KCNG2: variants seen among roughly 807,000 people sequenced by gnomAD.
KCNG2 encodes voltage-gated potassium channel regulatory subunit KCNG2.
Under a neutral mutation model 12.3 loss-of-function variants are expected in KCNG2, and 7 were observed. That is an observed-to-expected ratio of 0.57 (90% CI 0.32 to 1.07). The LOEUF is 1.07. KCNG2 is among the 50% of genes least tolerant of loss of function. The probability of loss-of-function intolerance (pLI) is 0.04; values close to 1 mark genes in which losing one functional copy is unlikely to be tolerated. For missense variants in KCNG2, 703 were observed against 726.0 expected, an observed-to-expected ratio of 0.97 and a Z score of 0.36; for synonymous variants, 414 against 351.4, an observed-to-expected ratio of 1.18 and a Z score of -1.99.
intron 1 of KCNG2, among the ~76,000 whole-genome samples, chr18:79,811,052 A>G (rs1272790279): frequency 6.6e-6 from 1 of 152,248 alleles, no homozygotes; most frequent in East Asian, 1.9e-4. Flanking sequence ...GTATGCTGAG[A>G]ACTACAGAAC....
intron 3 of KCNG2, among the ~76,000 whole-genome samples, chr18:79,868,129 G>A (rs1399043867): frequency 6.6e-6 from 1 of 152,194 alleles, no homozygotes; most frequent in Non-Finnish European, 1.5e-5. Flanking sequence ...TGTCACGTTA[G>A]AGAATAGGAG....
chr18:79,811,105 C>T (rs2087491100), intron 1 of KCNG2, among the ~76,000 whole-genome samples: 1 of 152,156 alleles, frequency 6.6e-6, no homozygotes, highest in Non-Finnish European at 1.5e-5. Context: ...GGAAAGACAT[C>T]CCATGTTCAC....
chr18:79,824,029 A>G (rs967551561), intron 1 of KCNG2, among the ~76,000 whole-genome samples: 1 of 152,172 alleles, frequency 6.6e-6, no homozygotes, highest in African/African-American at 2.4e-5. Flanking sequence ...TTGAGACAAG[A>G]TCTCACTCTG....
At chr18:79,841,602 G>C (rs1776080285) in intron 1 of KCNG2, among the ~76,000 whole-genome samples, 1 of 152,146 alleles carries the variant, frequency 6.6e-6, no homozygotes, top group Non-Finnish European at 1.5e-5. Context: ...CACATGAAAA[G>C]ATATTTCACC....
intron 3 of KCNG2, among the ~76,000 whole-genome samples, chr18:79,873,434 C>CCCCCCCCCCCCCCCG (rs1979938952): frequency 6.9e-6 from 1 of 145,082 alleles, no homozygotes; most frequent in African/African-American, 2.5e-5. Flanking sequence ...CCTCCCCCCC[C>CCCCCCCCCCCCCCCG]CCCAGCCACC....
In KCNG2 at chr18:79,880,274, G is replaced by A. The variant is rs192487866; in HGVS notation, c.624+15983G>A. Among the ~76,000 whole-genome samples, 19 of 137,620 alleles carry A rather than the reference G, an allele frequency of 1.4e-4. No individual in the cohort carries two copies. In the East Asian group the frequency reaches 3.1e-3, roughly 23 times the overall value. 90.3% of individuals were successfully genotyped at this position (137,620 alleles called of 152,430 possible). Reference sequence around the variant, plus strand: ...TGAATATCACATGAGCCAAGATCGCGCCACTGCCCTCCAGCCTGGGTGACA... The same window carrying A: ...TGAATATCACATGAGCCAAGATCGCACCACTGCCCTCCAGCCTGGGTGACA... On this transcript the variant is annotated intron_variant, in intron 3 of 3. Coordinates refer to ENST00000316249, the MANE Select transcript of KCNG2 (RefSeq NM_012283.2).
At chr18:79,859,568 A>G (rs62096747) in intron 2 of KCNG2, among the ~76,000 whole-genome samples, 16,145 of 152,330 alleles carry the variant, frequency 0.11, 995 homozygotes, top group Middle Eastern at 0.17. Flanking sequence ...CCAGCCATGC[A>G]TGAGGGATCA....
intron 3 of KCNG2, among the ~76,000 whole-genome samples, chr18:79,877,525 T>C (rs1200530920): frequency 6.6e-6 from 1 of 152,124 alleles, no homozygotes; most frequent in Non-Finnish European, 1.5e-5. Flanking sequence ...TCCCTCGCCG[T>C]TGGGGACAAG....
intron 1 of KCNG2, among the ~76,000 whole-genome samples, 28 bp downstream of exon 1, chr18:79,798,042 G>C (rs2087375876): frequency 6.6e-6 from 1 of 150,588 alleles, no homozygotes; most frequent in Admixed American, 6.6e-5. Flanking sequence ...GTGGGGCCGG[G>C]GGTGGGGGGT....
In KCNG2 at chr18:79,842,194, C is replaced by T. The variant is rs146406915; in HGVS notation, c.-114-14185C>T. On this transcript the variant is annotated intron_variant, in intron 1 of 3. Transcript: ENST00000316249. ...GGTTGGCCCTTGCAGACCCAGATAC[C>T]GCCTACTCATGCAGACCCAAACTCC... Among the ~76,000 whole-genome samples the T allele has an allele frequency of 1.7e-3, 253 of 152,272 alleles. 1 individual carries two copies. The highest frequency in any genetic ancestry group is 5.3e-3 in the African/African-American group (220 of 41,566).
chr18:79,865,523 AGGTCTGT>A (rs1979461075), intron 3 of KCNG2, among the ~76,000 whole-genome samples: 1 of 72,246 alleles, frequency 1.4e-5, no homozygotes, highest in Admixed American at 1.7e-4. Flanking sequence ...CTGGGTGCTG[AGGTCTGT>A]GTGCTGAGAG....
rs780504494 is a variant in KCNG2, at chr18:79,899,227, C to T, written c.812C>T (p.Ala271Val). The T allele has an allele frequency of 4.4e-6, 7 of 1,599,502 alleles. No individual in the cohort carries two copies. Among genetic ancestry groups the T allele is most frequent in the East Asian group, 4.5e-5 (2 of 44,744 alleles). ...TACGTGTCGCTGCTGCTGGGGCTGG[C>T]GGCAGGCCCGGGCGGGACCAAGCTC... is the stretch of plus-strand genomic sequence containing the variant. ...PFYVSLLLGLAAGPGGTKLLE... is the reference protein window; with the variant it reads ...PFYVSLLLGLVAGPGGTKLLE... Residue 271 changes from alanine to valine, a missense_variant, in exon 4 of 4, where the codon GCG becomes GTG. By Grantham distance (64) the Ala-to-Val change is moderately conservative. Transcript: ENST00000316249.
chr18:79,846,502 C>G (rs1978636155), intron 1 of KCNG2, among the ~76,000 whole-genome samples: 1 of 150,316 alleles, frequency 6.7e-6, no homozygotes, highest in South Asian at 2.1e-4. Flanking sequence ...AAAGAGATTA[C>G]AGGAATGATG....
intron 1 of KCNG2, among the ~76,000 whole-genome samples, chr18:79,851,361 C>A (rs1225205330): frequency 2.6e-5 from 4 of 152,216 alleles, no homozygotes; most frequent in Admixed American, 6.5e-5. Flanking sequence ...CGTTATCAAT[C>A]TGTTCCCGTA....
Position 79,899,361 on chromosome 18 carries a change from C to G in KCNG2, c.946C>G (p.Arg316Gly), listed in dbSNP as rs774241856. The G allele has an allele frequency of 2.6e-6, 4 of 1,552,224 alleles. No individual in the cohort carries two copies. Among genetic ancestry groups the G allele is most frequent in the Admixed American group, 1.9e-5 (1 of 52,258 alleles). The change falls in exon 4 of 4, where the codon CGC becomes GGC. Residue 316 changes from arginine (R) to glycine (G), a missense_variant. Transcript: ENST00000316249. ...LGLRSLGLTM[R>G]RCAREFGLLL... is the part of the protein sequence containing the mutation. ...GCTGCGTTCGCTGGGCCTGACCATGCGCCGCTGCGCGCGCGAGTTCGGGCT... is the reference window on the plus strand; with the variant it reads ...GCTGCGTTCGCTGGGCCTGACCATGGGCCGCTGCGCGCGCGAGTTCGGGCT...
chr18:79,889,798 C>T (rs548793697), intron 3 of KCNG2, among the ~76,000 whole-genome samples: 7 of 152,336 alleles, frequency 4.6e-5, no homozygotes, highest in Admixed American at 2.6e-4. Flanking sequence ...CGAGAACAGA[C>T]GTTAGCGTCT....
intron 1 of KCNG2, among the ~76,000 whole-genome samples, chr18:79,848,897 A>C (rs1401303530): frequency 1.3e-5 from 2 of 152,228 alleles, no homozygotes; most frequent in African/African-American, 4.8e-5. Context: ...CTCGGTCCGC[A>C]TGGGGCCCTG....
At chr18:79,829,712 G>A (rs1599377490) in intron 1 of KCNG2, among the ~76,000 whole-genome samples, 1 of 152,330 alleles carries the variant, frequency 6.6e-6, no homozygotes, top group East Asian at 1.9e-4. Flanking sequence ...TGTACTGGCT[G>A]TTTGGGGGCT....
chr18:79,801,970 G>T, intron 1 of KCNG2, among the ~76,000 whole-genome samples: 1 of 152,228 alleles, frequency 6.6e-6, no homozygotes, highest in Non-Finnish European at 1.5e-5. Context: ...AGGGGTCCCA[G>T]GTGGTGGGTC....
Sources: gnomAD v4.1 joint callset for allele counts (sites outside exome capture counted in the v4.1 genomes callset) on GRCh38, gnomAD v4.1.1 for gene constraint, MANE v1.5 for transcripts, NCBI Gene and HGNC (gene_info 2026-07-23, HGNC 2026-07-21) for gene names.